Variants in MYO3A observed in about 807,000 individuals in gnomAD.
The protein encoded by MYO3A is myosin-IIIa.
A neutral mutation model predicts 192.7 loss-of-function variants in MYO3A; 180 were observed. The ratio of observed to expected loss-of-function variants is 0.93; its 90% CI spans 0.83 to 1.06. MYO3A has a LOEUF of 1.06. Among genes scored for constraint, MYO3A ranks in the 50% least tolerant of loss-of-function variants. The pLI, the probability that MYO3A is intolerant of heterozygous loss-of-function variation, is 0.00. For synonymous variants in MYO3A, 628 were observed against 645.3 expected, an observed-to-expected ratio of 0.97 and a Z score of 0.41; for missense variants, 1,896 against 1,905.0, an observed-to-expected ratio of 1.00 and a Z score of 0.09.
chr10:25,987,545 A>G (rs1052679194), intron 4 of MYO3A, among the ~76,000 whole-genome samples: 1 of 152,170 alleles, frequency 6.6e-6, no homozygotes, highest in Non-Finnish European at 1.5e-5. Context: ...AGTGGGCTAA[A>G]GACATGAGTA....
intron 29 of MYO3A, among the ~76,000 whole-genome samples, chr10:26,171,610 C>T (rs751841191): frequency 2.6e-5 from 4 of 152,112 alleles, no homozygotes; most frequent in Non-Finnish European, 5.9e-5. Context: ...TATTCTGAGA[C>T]CTATATATAT....
At chr10:26,146,412 A>C (rs375368705) in intron 22 of MYO3A, among the ~76,000 whole-genome samples, 1 of 152,238 alleles carries the variant, frequency 6.6e-6, no homozygotes. Context: ...CACAGGCTGC[A>C]TGACTTAAAC....
At chr10:26,010,616 AC>A (rs1467657120) in intron 6 of MYO3A, among the ~76,000 whole-genome samples, 1 of 151,976 alleles carries the variant, frequency 6.6e-6, no homozygotes, top group African/African-American at 2.4e-5. Context: ...GGCACACACC[AC>A]CACACTCGGC....
At chr10:26,014,099 G>A (rs1841835256) in intron 6 of MYO3A, among the ~76,000 whole-genome samples, 1 of 151,994 alleles carries the variant, frequency 6.6e-6, no homozygotes, top group African/African-American at 2.4e-5. Flanking sequence ...CATGTGTGAT[G>A]TAATGGACTT....
At chr10:26,009,401 T>A (rs986550386) in intron 6 of MYO3A, among the ~76,000 whole-genome samples, 33 of 152,094 alleles carry the variant, frequency 2.2e-4, no homozygotes, top group Admixed American at 1.2e-3. Context: ...AAATAAATTT[T>A]TTAAAAAAGG....
intron 10 of MYO3A, among the ~76,000 whole-genome samples, chr10:26,037,966 G>A (rs1395712629): frequency 2.0e-5 from 3 of 152,106 alleles, no homozygotes; most frequent in Non-Finnish European, 4.4e-5. Context: ...TTTGGGTCGG[G>A]GCACAGAGCC....
chr10:25,968,007 G>A (rs1039712729), intron 4 of MYO3A, among the ~76,000 whole-genome samples: 1 of 152,094 alleles, frequency 6.6e-6, no homozygotes, highest in Non-Finnish European at 1.5e-5. Context: ...GGGTGTAGGG[G>A]GTGGAGGATA....
At chr10:26,022,348 G>T (rs1259138846) in intron 8 of MYO3A, 1 of 152,098 alleles carries the variant, frequency 6.6e-6, no homozygotes, top group South Asian at 2.1e-4. Context: ...TTTATTAAAG[G>T]TGTTATTTTT....
At position 26,143,552 on chromosome 10, in the gene MYO3A, A is replaced by G. The variant is rs750512763; in HGVS notation, c.2367A>G (p.Leu789=). ...FLQKPMGLLS[L]LDEESRFPKA... is the part of the protein sequence containing the mutation. ...AAAAGCCAATGGGTTTACTTTCCCT[A>G]CTTGATGAAGAAAGTAGATTTCCCA... The change falls in exon 21 of 35, where the codon CTA becomes CTG. Residue 789 remains leucine, a synonymous_variant. Transcript: ENST00000642920. The G allele has an allele frequency of 7.4e-6, 12 of 1,614,066 alleles. No individual in the cohort carries two copies. Among genetic ancestry groups the G allele is most frequent in the Middle Eastern group, 3.3e-4 (2 of 6,060 alleles).
intron 3 of MYO3A, among the ~76,000 whole-genome samples, chr10:25,953,753 T>C (rs138646559): frequency 1.1e-4 from 16 of 152,298 alleles, no homozygotes; most frequent in African/African-American, 3.8e-4. Context: ...CTATTTAGTA[T>C]AATTTAATGA....
At chr10:25,980,560 A>G (rs1315155694) in intron 4 of MYO3A, among the ~76,000 whole-genome samples, 2 of 152,190 alleles carry the variant, frequency 1.3e-5, no homozygotes, top group African/African-American at 2.4e-5. Flanking sequence ...CTAAAAATGT[A>G]TTGGATATAA....
intron 33 of MYO3A, among the ~76,000 whole-genome samples, chr10:26,201,816 T>C (rs1843690301): frequency 6.6e-6 from 1 of 152,260 alleles, no homozygotes; most frequent in African/African-American, 2.4e-5. Context: ...TGGAAATCTA[T>C]TGAGCCAGCA....
At chr10:26,160,274 G>A (rs1403713283) in intron 26 of MYO3A, among the ~76,000 whole-genome samples, 4 of 152,102 alleles carry the variant, frequency 2.6e-5, no homozygotes, top group African/African-American at 7.2e-5. Flanking sequence ...GCACAGACAT[G>A]GAAAGTTAAC....
intron 20 of MYO3A, among the ~76,000 whole-genome samples, chr10:26,133,620 G>T (rs1839676577): frequency 6.6e-6 from 1 of 152,126 alleles, no homozygotes; most frequent in African/African-American, 2.4e-5. Context: ...CTGAGTTGGG[G>T]TCTTGCCCTG....
intron 23 of MYO3A, 50 bp from the exon 24 acceptor site, chr10:26,153,800 A>G: frequency 8.5e-7 from 1 of 1,181,144 alleles, no homozygotes; most frequent in Non-Finnish European, 1.3e-6. Context: ...AAAATCATCT[A>G]GCCATTAAGG....
intron 4 of MYO3A, among the ~76,000 whole-genome samples, chr10:25,966,104 G>A (rs958576866): frequency 6.6e-6 from 1 of 152,060 alleles, no homozygotes; most frequent in Middle Eastern, 3.4e-3. Context: ...CTTGCGAGGG[G>A]GTGGGACTGG....
At chr10:26,183,141 A>C (rs189308449) in intron 31 of MYO3A, among the ~76,000 whole-genome samples, 1 of 152,304 alleles carries the variant, frequency 6.6e-6, no homozygotes, top group Admixed American at 6.5e-5. Context: ...CCCCCCACAC[A>C]GGCTGCTTTA....
chr10:26,110,676 C>G (rs1235857328), intron 17 of MYO3A, among the ~76,000 whole-genome samples: 1 of 152,056 alleles, frequency 6.6e-6, no homozygotes, highest in Non-Finnish European at 1.5e-5. Context: ...ATCATGGATA[C>G]CTCGTGTAAA....
At chr10:26,100,655 C>T (rs1056012912) in intron 17 of MYO3A, among the ~76,000 whole-genome samples, 1 of 152,092 alleles carries the variant, frequency 6.6e-6, no homozygotes, top group African/African-American at 2.4e-5. Flanking sequence ...CGTTATGTAC[C>T]CAGTAGTCAT....
Sources: allele counts gnomAD v4.1 joint callset (sites outside exome capture counted in the v4.1 genomes callset), GRCh38; gene constraint gnomAD v4.1.1; transcripts MANE v1.5; gene names NCBI Gene and HGNC (gene_info 2026-07-23, HGNC 2026-07-21).